The following TATDN2 variants were observed in gnomAD, a reference collection of about 807,000 sequenced individuals.
TATDN2 encodes 3'-5' RNA nuclease TATDN2.
A neutral mutation model predicts 60.3 loss-of-function variants in TATDN2; 44 were observed. The observed-to-expected ratio is 0.73, with a 90% CI of 0.57 to 0.94. The LOEUF is 0.94. TATDN2 is among the 40% of genes least tolerant of loss of function. The probability of loss-of-function intolerance (pLI) is 0.00; values close to 1 mark genes in which losing one functional copy is unlikely to be tolerated. For missense variants in TATDN2, 997 were observed against 948.0 expected, an observed-to-expected ratio of 1.05 and a Z score of -0.68; for synonymous variants, 399 against 355.8, an observed-to-expected ratio of 1.12 and a Z score of -1.37.
Position 10,249,427 on chromosome 3 carries a change from G to A in TATDN2, c.227G>A (p.Arg76His), listed in dbSNP as rs193243038. ...AGGTTATCCTGGGGCTCATCCCGCCGCAGAAATAACTCCTCCTCCTCCTTC... is the reference window on the plus strand; with the variant it reads ...AGGTTATCCTGGGGCTCATCCCGCCACAGAAATAACTCCTCCTCCTCCTTC... Reference protein sequence around the residue: ...SRRLSWGSSRRRNNSSSSFSP... With the variant: ...SRRLSWGSSRHRNNSSSSFSP... Residue 76 changes from arginine (R) to histidine (H), a missense_variant, in exon 2 of 8, where the codon CGC becomes CAC. Transcript: ENST00000448281. 1.2e-6 allele frequency: 2 copies of A among 1,613,878 alleles called. No homozygotes were observed. Among genetic ancestry groups the A allele is most frequent in the Admixed American group, 3.3e-5 (2 of 60,010 alleles).
chr3:10,260,131 TCC>T lies in TATDN2; in HGVS notation c.415-4_415-3del, dbSNP rs757119398. 1 of 1,592,838 alleles carries T rather than the reference TCC, an allele frequency of 6.3e-7. No individual in the cohort carries two copies. The highest frequency in any genetic ancestry group is 2.2e-5 in the East Asian group (1 of 44,772). On this transcript the variant is annotated splice_polypyrimidine_tract_variant and splice_region_variant and intron_variant, in intron 2 of 7. Coordinates refer to ENST00000448281, the MANE Select transcript of TATDN2 (RefSeq NM_014760.4). Reference sequence around the variant, plus strand: ...AGCCCTTTCAATTCTGTTTTTTTTTTCCCAGGTTGATTCCAAAGATAGTTCTC... The same window carrying T: ...AGCCCTTTCAATTCTGTTTTTTTTTTCAGGTTGATTCCAAAGATAGTTCTC...
intron 3 of TATDN2, among the ~76,000 whole-genome samples, chr3:10,264,236 A>G (rs1698447865): frequency 6.6e-6 from 1 of 152,106 alleles, no homozygotes; most frequent in African/African-American, 2.4e-5. Flanking sequence ...CCAGTTCCCA[A>G]GGTGCCCAGT....
intron 4 of TATDN2, among the ~76,000 whole-genome samples, chr3:10,272,280 A>C (rs1576015366): frequency 6.6e-6 from 1 of 151,312 alleles, no homozygotes; most frequent in African/African-American, 2.4e-5. Context: ...AATTAAAAAT[A>C]AAAATTTTTT....
intron 4 of TATDN2, among the ~76,000 whole-genome samples, chr3:10,274,047 T>A (rs1323134095): frequency 6.6e-6 from 1 of 152,182 alleles, no homozygotes; most frequent in Non-Finnish European, 1.5e-5. Context: ...TCCCTGGAAA[T>A]AATGGATCAG....
Position 10,279,244 on chromosome 3 carries a change from A to G in TATDN2, c.*62A>G. On this transcript the variant is annotated 3_prime_UTR_variant, in exon 8 of 8. Transcript: ENST00000448281. ...AGGGCGACCAGCAGCCTGACAGAAC[A>G]CAGGCTGGCTTGAAGTCTGTGTCTC... The G allele has an allele frequency of 1.8e-6, 1 of 569,050 alleles. No individual in the cohort carries two copies. Among genetic ancestry groups the G allele is most frequent in the East Asian group, 3.4e-5 (1 of 29,536 alleles). 35.3% of individuals were successfully genotyped at this position (569,050 alleles called of 1,614,324 possible). A position where few individuals can be genotyped will look rare whatever the true frequency, so the allele number is the denominator to read the frequency against.
rs374437286 is a variant in TATDN2, at chr3:10,278,860, G to A, written c.2146-25G>A. On this transcript the variant is annotated intron_variant, in intron 6 of 7. Coordinates refer to ENST00000448281, the MANE Select transcript of TATDN2 (RefSeq NM_014760.4). This position sits in a 1 kb window ranked among gnomAD's most constrained non-coding sequence, Gnocchi z 4.7. ...GACTGTGCACACATGGCACAATGAT[G>A]TTATGACCACTTGATGTCTTCCAGG... 5 of 1,613,984 alleles carry A rather than the reference G, an allele frequency of 3.1e-6. No individual in the cohort carries two copies. The highest frequency in any genetic ancestry group is 4.2e-6 in the Non-Finnish European group (5 of 1,179,950).
intron 2 of TATDN2, among the ~76,000 whole-genome samples, chr3:10,256,113 C>G (rs1698304355): frequency 6.6e-6 from 1 of 152,146 alleles, no homozygotes; most frequent in African/African-American, 2.4e-5. Context: ...TTTCCCTTCC[C>G]TTACCAGCTA....
chr3:10,261,433 C>T (rs1248556529), intron 3 of TATDN2, among the ~76,000 whole-genome samples: 1 of 149,124 alleles, frequency 6.7e-6, no homozygotes, highest in East Asian at 2.0e-4. Context: ...TGCGATGGTG[C>T]AATCTTGGCT....
intron 5 of TATDN2, among the ~76,000 whole-genome samples, chr3:10,276,766 T>G (rs1698644324): frequency 6.6e-6 from 1 of 152,186 alleles, no homozygotes; most frequent in African/African-American, 2.4e-5. Context: ...TTTTTGTATT[T>G]TAAGTAGAGA....
chr3:10,249,942 C>T (rs534071711), intron 2 of TATDN2, among the ~76,000 whole-genome samples: 1 of 152,264 alleles, frequency 6.6e-6, no homozygotes, highest in South Asian at 2.1e-4. Flanking sequence ...TTTCAGTGCT[C>T]CCCAGGTTAT....
rs1233391695 is a variant in TATDN2 at position 10,248,665 on chromosome 3, C to T, written c.-409C>T. 1 of 151,832 alleles carries T rather than the reference C, an allele frequency of 6.6e-6. No individual in the cohort carries two copies. The highest frequency in any genetic ancestry group is 6.6e-5 in the Admixed American group (1 of 15,254). 9.4% of individuals were successfully genotyped at this position (151,832 alleles called of 1,614,324 possible). On this transcript the variant is annotated 5_prime_UTR_variant, in exon 1 of 8. Coordinates refer to ENST00000448281, the MANE Select transcript of TATDN2 (RefSeq NM_014760.4). ...GGCGCTGCCAGCTCCCGAGGGGCCG[C>T]TCGGGCCCCTTCCGGCCCGGGTCTG...
At chr3:10,249,137 C>A in intron 1 of TATDN2, 58 bp from the exon 2 acceptor site, 1 of 1,480,570 alleles carries the variant, frequency 6.8e-7, no homozygotes, top group Non-Finnish European at 8.9e-7. Flanking sequence ...TGGCGGGAAT[C>A]TGAGGTGGGG....
At chr3:10,265,261 G>C (rs1464637186) in intron 3 of TATDN2, among the ~76,000 whole-genome samples, 1 of 149,648 alleles carries the variant, frequency 6.7e-6, no homozygotes, top group African/African-American at 2.4e-5. Flanking sequence ...ATGTTTAGCA[G>C]AGACAGGATT....
At chr3:10,252,147 CA>C (rs35469402) in intron 2 of TATDN2, among the ~76,000 whole-genome samples, 172 of 63,294 alleles carry the variant, frequency 2.7e-3, no homozygotes, top group Middle Eastern at 0.023. Flanking sequence ...GACTCAGTCT[CA>C]AAAAAAAAAA....
At chr3:10,255,981 G>A (rs1444017589) in intron 2 of TATDN2, among the ~76,000 whole-genome samples, 1 of 152,094 alleles carries the variant, frequency 6.6e-6, no homozygotes, top group East Asian at 1.9e-4. Context: ...TCCCTACCTT[G>A]AACTGAAGAA....
intron 2 of TATDN2, among the ~76,000 whole-genome samples, chr3:10,251,764 G>T (rs1256597230): frequency 1.3e-5 from 2 of 152,026 alleles, no homozygotes; most frequent in African/African-American, 2.4e-5. Context: ...GCGCAATCAT[G>T]TCTCACTGTA....
chr3:10,268,884 C>G (rs1474763744), intron 3 of TATDN2, among the ~76,000 whole-genome samples: 2 of 152,124 alleles, frequency 1.3e-5, no homozygotes, highest in Non-Finnish European at 2.9e-5. Context: ...CGATTTAATG[C>G]AAGGGATGGT....
chr3:10,279,209 T>A lies in TATDN2; in HGVS notation c.*39-12T>A. 1 of 816,098 alleles carries A rather than the reference T, an allele frequency of 1.2e-6. No individual in the cohort carries two copies. The highest frequency in any genetic ancestry group is 1.8e-6 in the Non-Finnish European group (1 of 540,820). 50.6% of individuals were successfully genotyped at this position (816,098 alleles called of 1,614,324 possible). On this transcript the variant is annotated splice_polypyrimidine_tract_variant and intron_variant, in intron 7 of 7. Transcript: ENST00000448281. ...GTTTGGAACCTTCTTCTTTTTCTCT[T>A]CCACCCTCCAGGGCGACCAGCAGCC...
At position 10,248,761 on chromosome 3, in the gene TATDN2, C is replaced by T. The variant is rs1032347124; in HGVS notation, c.-313C>T. 2.6e-5 allele frequency: 4 copies of T among 153,016 alleles called. No homozygotes were observed. Among genetic ancestry groups the T allele is most frequent in the African/African-American group, 9.6e-5 (4 of 41,492 alleles). The allele number at this position is 153,016 out of a possible 1,614,324, so 9.5% of individuals were successfully genotyped here. On this transcript the variant is annotated 5_prime_UTR_variant, in exon 1 of 8. Coordinates refer to ENST00000448281, the MANE Select transcript of TATDN2 (RefSeq NM_014760.4). ...CTGGCCTACGGGCTAAGCGCCCGGC[C>T]CCGGGGCCGCGGATCCGGCAGCCAT...
Sources: allele counts gnomAD v4.1 joint callset (sites outside exome capture counted in the v4.1 genomes callset), GRCh38; gene constraint gnomAD v4.1.1; non-coding constraint Gnocchi (gnomAD v3.1); transcripts MANE v1.5; gene names NCBI Gene and HGNC (gene_info 2026-07-23, HGNC 2026-07-21).